Variants in SPATA13 observed in about 807,000 individuals in gnomAD.
SPATA13 encodes the protein spermatogenesis associated 13.
A neutral mutation model predicts 104.0 loss-of-function variants in SPATA13; 50 were observed. That is an observed-to-expected ratio of 0.48 (90% CI 0.38 to 0.61). The LOEUF (loss-of-function observed/expected upper bound fraction) is 0.61, where lower values mean the gene tolerates loss of function less well. SPATA13 is among the 20% of genes least tolerant of loss of function. The pLI is 0.00. For synonymous variants in SPATA13, 606 were observed against 667.5 expected (o/e 0.91, Z 1.42); for missense variants, 1,524 against 1,690.6 (o/e 0.90, Z 1.73).
chr13:24,118,374 C>T (rs1228022702), intron 3 of SPATA13, among the ~76,000 whole-genome samples: 1 of 152,162 alleles, frequency 6.6e-6, no homozygotes, highest in East Asian at 1.9e-4. Context: ...CAAAACTACT[C>T]TTACTAGTTA....
At chr13:24,092,088 A>G (rs534207678) in intron 3 of SPATA13, among the ~76,000 whole-genome samples, 1 of 152,344 alleles carries the variant, frequency 6.6e-6, no homozygotes, top group Non-Finnish European at 1.5e-5. Flanking sequence ...AATTTGCAGT[A>G]TTTTGAAAAA....
intron 3 of SPATA13, among the ~76,000 whole-genome samples, chr13:24,062,617 G>A (rs9551048): frequency 0.22 from 32,690 of 152,046 alleles, 3,658 homozygotes; most frequent in East Asian, 0.3. Flanking sequence ...TTTTCTTATA[G>A]AAGTCGGGCT....
upstream of SPATA13, among the ~76,000 whole-genome samples, chr13:24,156,748 T>C (rs1340331965): frequency 6.6e-6 from 1 of 152,154 alleles, no homozygotes; most frequent in Non-Finnish European, 1.5e-5. Flanking sequence ...ACATACATTA[T>C]TACACTTAAT....
Position 24,286,349 on chromosome 13 carries a change from C to G in SPATA13, c.2437C>G (p.Arg813Gly). ...CTCCAACAAGGACTGGTGGTGGGGC[C>G]GCAGTGAAGATAAGGAAGCCTGGTT... ...EASNKDWWWGRSEDKEAWFPA... is the reference protein window; with the variant it reads ...EASNKDWWWGGSEDKEAWFPA... Residue 813 changes from arginine (R) to glycine (G), a missense_variant, in exon 6 of 13, where the codon CGC (arginine) becomes GGC (glycine). This residue lies in a region of SPATA13 where 1,089 missense variants were observed against 1,135.9 expected (regional missense o/e 0.96). Coordinates refer to ENST00000382108, the MANE Select transcript of SPATA13 (RefSeq NM_001166271.3). This position sits in a 1 kb window ranked among gnomAD's most constrained non-coding sequence, Gnocchi z 4.9. 6.2e-7 allele frequency: 1 copy of G among 1,613,032 alleles called. No homozygotes were observed. Among genetic ancestry groups the G allele is most frequent in the South Asian group, 1.1e-5 (1 of 91,032 alleles).
chr13:24,171,104 T>C lies in SPATA13; in HGVS notation c.-112+10172T>C, dbSNP rs75293542. Among the ~76,000 whole-genome samples, 214 of 152,094 alleles carry C rather than the reference T, an allele frequency of 1.4e-3. 1 individual carries two copies. The highest frequency in any genetic ancestry group is 0.011 in the South Asian group (55 of 4,808). On this transcript the variant is annotated intron_variant, in intron 1 of 12. Coordinates refer to ENST00000382108, the MANE Select transcript of SPATA13 (RefSeq NM_001166271.3). ...ATTTGCATGGAATTTTAGTTGGAAA[T>C]ACATTTTCCCATTCGAAGGACCCTA...
rs80015236 is a variant in SPATA13, at chr13:24,037,921, T to C, written c.-112+20220T>C. On this transcript the variant is annotated intron_variant, in intron 3 of 14. Transcript: ENST00000424834. ...AGGTTAGTAACAACTAGACTAGATTTTTTTTTTTGAAATGGAGTCTCGCTC... is the reference window on the plus strand; with the variant it reads ...AGGTTAGTAACAACTAGACTAGATTCTTTTTTTTGAAATGGAGTCTCGCTC... Among the ~76,000 whole-genome samples the C allele has an allele frequency of 9.4e-3, 1,436 of 152,186 alleles. 25 individuals carry two copies. The highest frequency in any genetic ancestry group is 0.081 in the East Asian group (418 of 5,166).
At chr13:24,173,034 A>G (rs546734965) in intron 1 of SPATA13, among the ~76,000 whole-genome samples, 1 of 152,302 alleles carries the variant, frequency 6.6e-6, no homozygotes, top group East Asian at 1.9e-4. Flanking sequence ...TTAGATTAAC[A>G]CCTAAGTAGT....
At chr13:24,025,182 T>G (rs1216982818) in intron 3 of SPATA13, among the ~76,000 whole-genome samples, 2 of 106,128 alleles carry the variant, frequency 1.9e-5, no homozygotes, top group African/African-American at 6.7e-5. Context: ...AGGAATATTT[T>G]CCTATTTTTG....
At chr13:23,984,063 G>A in intron 2 of SPATA13, 1 of 462,100 alleles carries the variant, frequency 2.2e-6, no homozygotes, top group Non-Finnish European at 2.8e-6. Flanking sequence ...CTGAGGCATT[G>A]AGCAACTAAC....
chr13:24,132,354 A>T (rs1881414291), intron 3 of SPATA13, among the ~76,000 whole-genome samples: 2 of 152,208 alleles, frequency 1.3e-5, no homozygotes. Context: ...TCATAGGGCC[A>T]TCTGGACCAA....
chr13:24,242,460 C>A (rs1250585799), intron 2 of SPATA13, among the ~76,000 whole-genome samples: 1 of 152,180 alleles, frequency 6.6e-6, no homozygotes, highest in Non-Finnish European at 1.5e-5. Flanking sequence ...CATTTTGCAT[C>A]TTTCTTACCT....
intron 11 of SPATA13, among the ~76,000 whole-genome samples, chr13:24,298,109 C>G (rs1244730921): frequency 1.3e-5 from 2 of 152,172 alleles, no homozygotes; most frequent in African/African-American, 4.8e-5. Context: ...CATTTAAATC[C>G]AGCACTTTGG....
intron 3 of SPATA13, among the ~76,000 whole-genome samples, chr13:24,142,239 TA>T (rs1881786602): frequency 6.6e-6 from 1 of 151,248 alleles, no homozygotes; most frequent in Non-Finnish European, 1.5e-5. Flanking sequence ...AAAACCAGGA[TA>T]TTAACATGCA....
intron 3 of SPATA13, among the ~76,000 whole-genome samples, chr13:24,042,697 C>T (rs1415140678): frequency 6.6e-6 from 1 of 152,200 alleles, no homozygotes; most frequent in Non-Finnish European, 1.5e-5. Context: ...ATTGTGCATG[C>T]ATATAATTGG....
intron 3 of SPATA13, among the ~76,000 whole-genome samples, chr13:24,072,925 A>G (rs1367097919): frequency 6.7e-6 from 1 of 149,072 alleles, no homozygotes; most frequent in Non-Finnish European, 1.5e-5. Context: ...ACTCCAGCCC[A>G]TATGTGAAAA....
At chr13:24,077,743 T>C (rs1879383187) in intron 3 of SPATA13, among the ~76,000 whole-genome samples, 1 of 152,140 alleles carries the variant, frequency 6.6e-6, no homozygotes, top group Non-Finnish European at 1.5e-5. Context: ...GTATAATCCA[T>C]ACTTCTACAG....
At chr13:23,984,037 A>C (rs1222813648) in intron 2 of SPATA13, 44 of 813,268 alleles carry the variant, frequency 5.4e-5, no homozygotes, top group Non-Finnish European at 6.5e-5. Context: ...CAGCCAGTAG[A>C]ATTTGAAGGT....
intron 2 of SPATA13, among the ~76,000 whole-genome samples, chr13:23,998,991 T>C (rs1875824649): frequency 6.7e-6 from 1 of 150,208 alleles, no homozygotes; most frequent in African/African-American, 2.5e-5. Flanking sequence ...AGTGGCACAG[T>C]CTCTGTTTAC....
At position 23,990,587 on chromosome 13, in the gene SPATA13, T is replaced by TC. The variant is rs112690375; in HGVS notation, c.-147+6658dup. Among the ~76,000 whole-genome samples, 572 of 152,182 alleles carry TC rather than the reference T, an allele frequency of 3.8e-3. 5 individuals carry two copies. The highest frequency in any genetic ancestry group is 0.013 in the African/African-American group (535 of 41,508). On this transcript the variant is annotated intron_variant, in intron 2 of 14. Coordinates refer to the SPATA13 transcript ENST00000424834. The stretch of plus-strand genomic sequence containing the variant: ...TCCTCTAGCAAGTCTTGCCCAACAC[T>TC]CCCCAGCCTGGTTTAGTGGATTCTT...
Sources: gnomAD v4.1 joint callset for allele counts (sites outside exome capture counted in the v4.1 genomes callset) on GRCh38, gnomAD v4.1.1 for gene constraint, gnomAD v4.1.1 regional missense constraint, Gnocchi (gnomAD v3.1) non-coding constraint, MANE v1.5 for transcripts, NCBI Gene and HGNC (gene_info 2026-07-23, HGNC 2026-07-21) for gene names.